The following DPP6 variants were observed in gnomAD, a reference collection of about 807,000 sequenced individuals.
DPP6 encodes the protein A-type potassium channel modulatory protein DPP6.
Under a neutral mutation model 122.6 loss-of-function variants are expected in DPP6, and 69 were observed. The ratio of observed to expected loss-of-function variants is 0.56; its 90% confidence interval spans 0.46 to 0.69. The LOEUF is 0.69. DPP6 is among the 30% of genes least tolerant of loss of function. DPP6 has a pLI of 0.00. For missense variants in DPP6, 928 were observed against 1,116.9 expected (o/e 0.83, Z 2.41); for synonymous variants, 418 against 433.1 (o/e 0.97, Z 0.43).
chr7:154,824,313 T>G (rs1584804973), intron 16 of DPP6, among the ~76,000 whole-genome samples: 1 of 152,222 alleles, frequency 6.6e-6, no homozygotes, highest in African/African-American at 2.4e-5. Flanking sequence ...GAGTTTCACT[T>G]TTGTTGCCTA....
intron 3 of DPP6, among the ~76,000 whole-genome samples, chr7:154,515,813 G>A (rs1170838711): frequency 6.6e-6 from 1 of 152,110 alleles, no homozygotes; most frequent in African/African-American, 2.4e-5. Context: ...TGCATGTGAA[G>A]ACAACCCCAA....
At chr7:154,554,242 C>T (rs1829856653) in intron 4 of DPP6, among the ~76,000 whole-genome samples, 1 of 152,190 alleles carries the variant, frequency 6.6e-6, no homozygotes, top group African/African-American at 2.4e-5. Flanking sequence ...ATACAATCAT[C>T]TATTTATGTT....
chr7:154,281,444 G>A (rs1296730361), intron 1 of DPP6, among the ~76,000 whole-genome samples: 1 of 152,150 alleles, frequency 6.6e-6, no homozygotes, highest in African/African-American at 2.4e-5. Flanking sequence ...CAGAATCATT[G>A]ATAAGTCCCA....
At chr7:154,219,685 A>G (rs2150826008) in intron 1 of DPP6, among the ~76,000 whole-genome samples, 2 of 152,140 alleles carry the variant, frequency 1.3e-5, no homozygotes, top group Admixed American at 1.3e-4. Context: ...TCCTGGGTTC[A>G]AGTGATTCTC....
intron 1 of DPP6, among the ~76,000 whole-genome samples, chr7:154,063,959 T>G (rs2150494520): frequency 1.3e-5 from 2 of 151,700 alleles, no homozygotes; most frequent in East Asian, 3.9e-4. Context: ...CATCCAAGAA[T>G]GAGAAGAGCC....
At chr7:153,992,318 T>C (rs1797218125) in intron 1 of DPP6, among the ~76,000 whole-genome samples, 1 of 152,136 alleles carries the variant, frequency 6.6e-6, no homozygotes. Flanking sequence ...TTCACTGGGC[T>C]TCCTTACACA....
At chr7:154,742,847 T>C (rs953134798) in intron 8 of DPP6, among the ~76,000 whole-genome samples, 2 of 152,150 alleles carry the variant, frequency 1.3e-5, no homozygotes, top group Admixed American at 6.5e-5. Flanking sequence ...TAAGGGTATT[T>C]GGGATCTCAA....
At chr7:154,769,763 C>T (rs1796136050) in intron 9 of DPP6, among the ~76,000 whole-genome samples, 192 bp downstream of exon 9, 1 of 152,174 alleles carries the variant, frequency 6.6e-6, no homozygotes, top group African/African-American at 2.4e-5. Context: ...GGCAGGTTTA[C>T]TTCTTTTAGG....
intron 4 of DPP6, among the ~76,000 whole-genome samples, chr7:154,554,006 C>T (rs1220648424): frequency 4.0e-5 from 6 of 150,838 alleles, no homozygotes; most frequent in Admixed American, 3.3e-4. Flanking sequence ...GACGCTTTTT[C>T]GATGTGGCTA....
chr7:154,268,263 C>T (rs1803565969), intron 1 of DPP6, among the ~76,000 whole-genome samples: 1 of 152,294 alleles, frequency 6.6e-6, no homozygotes, highest in Admixed American at 6.5e-5. Flanking sequence ...AGCTACTTTT[C>T]TTAGTTCTTT....
chr7:153,901,924 T>G (rs1667879987), intron 1 of DPP6, among the ~76,000 whole-genome samples: 1 of 152,194 alleles, frequency 6.6e-6, no homozygotes, highest in African/African-American at 2.4e-5. Context: ...CGTGTTGAAG[T>G]TACACTAAGG....
intron 1 of DPP6, among the ~76,000 whole-genome samples, chr7:154,401,166 C>T (rs184344424): frequency 6.7e-5 from 10 of 150,138 alleles, no homozygotes; most frequent in Non-Finnish European, 1.5e-4. Context: ...CACTGCACTA[C>T]AGCCTGGGTG....
chr7:154,472,620 A>G (rs1159877), intron 2 of DPP6, among the ~76,000 whole-genome samples: 139,469 of 152,282 alleles, frequency 0.92, 64,093 homozygotes, highest in African/African-American at 0.98. Context: ...AGGGCTCAGC[A>G]TGGTTTGTGG....
chr7:154,798,069 G>A (rs915891232), intron 12 of DPP6, among the ~76,000 whole-genome samples: 23 of 152,162 alleles, frequency 1.5e-4, no homozygotes, highest in Non-Finnish European at 3.1e-4. Context: ...TTTGTTGGGG[G>A]CAGGGAGGCT....
the DPP6 span, among the ~76,000 whole-genome samples, chr7:153,846,577 T>C: frequency 2.6e-5 from 4 of 152,080 alleles, no homozygotes; most frequent in Admixed American, 6.5e-5. Flanking sequence ...TGAAATTTCA[T>C]GTATGTCATT....
the DPP6 span, among the ~76,000 whole-genome samples, chr7:153,833,305 C>T: frequency 2.0e-5 from 3 of 152,172 alleles, no homozygotes; most frequent in African/African-American, 4.8e-5. Context: ...CAATCTAAAA[C>T]GTAATCCTCT....
chr7:154,523,531 T>C (rs1827167041), intron 3 of DPP6, among the ~76,000 whole-genome samples: 1 of 152,230 alleles, frequency 6.6e-6, no homozygotes, highest in Non-Finnish European at 1.5e-5. Flanking sequence ...CCAGGCCATA[T>C]TCAAATTCCC....
intron 1 of DPP6, among the ~76,000 whole-genome samples, chr7:153,937,990 C>T (rs888425777): frequency 6.6e-6 from 1 of 152,136 alleles, no homozygotes; most frequent in African/African-American, 2.4e-5. Flanking sequence ...ACAGGTGCTA[C>T]GAGGGCTGTC....
chr7:153,798,556 G>T, the DPP6 span, among the ~76,000 whole-genome samples: 1 of 152,120 alleles, frequency 6.6e-6, no homozygotes, highest in Non-Finnish European at 1.5e-5. Context: ...GTAAAATTGT[G>T]TTCCTTAAGG....
Sources: gnomAD v4.1 joint callset for allele counts (sites outside exome capture counted in the v4.1 genomes callset) on GRCh38, gnomAD v4.1.1 for gene constraint, MANE v1.5 for transcripts, NCBI Gene and HGNC (gene_info 2026-07-23, HGNC 2026-07-21) for gene names.